The following SNTG1 variants were observed in gnomAD, a reference collection of about 807,000 sequenced individuals.
The protein encoded by SNTG1 is syntrophin gamma 1.
In SNTG1, 39 loss-of-function variants were observed where a neutral mutation model predicts 74.7. The ratio of observed to expected loss-of-function variants is 0.52; its 90% CI spans 0.40 to 0.68. The LOEUF (loss-of-function observed/expected upper bound fraction) is 0.68, where lower values mean the gene tolerates loss of function less well. SNTG1 is among the 30% of genes least tolerant of loss of function. SNTG1 has a pLI of 0.00. For synonymous variants in SNTG1, 254 were observed against 217.1 expected (o/e 1.17, Z -1.49); for missense variants, 685 against 609.5 (o/e 1.12, Z -1.30).
intron 8 of SNTG1, among the ~76,000 whole-genome samples, chr8:50,457,524 C>A (rs888164132): frequency 6.6e-5 from 10 of 152,174 alleles, no homozygotes; most frequent in African/African-American, 2.2e-4. Flanking sequence ...TTACTTCTCT[C>A]CCCTTTTGAA....
intron 2 of SNTG1, among the ~76,000 whole-genome samples, chr8:50,283,036 T>A (rs2088566751): frequency 1.3e-5 from 2 of 152,212 alleles, no homozygotes; most frequent in Admixed American, 1.3e-4. Context: ...TTTTTACAAA[T>A]GTGTATTTTA....
intron 11 of SNTG1, among the ~76,000 whole-genome samples, chr8:50,539,294 TTTG>T (rs530555383): frequency 8.5e-5 from 13 of 152,168 alleles, no homozygotes; most frequent in African/African-American, 2.6e-4. Context: ...TAATCTGGGT[TTTG>T]TTGTTGTTGT....
At chr8:50,588,899 C>A (rs573866955) in intron 12 of SNTG1, among the ~76,000 whole-genome samples, 1 of 152,098 alleles carries the variant, frequency 6.6e-6, no homozygotes, top group South Asian at 2.1e-4. Flanking sequence ...TTTCTAAAGG[C>A]CATTTTCATA....
chr8:50,031,873 A>G (rs1817768523), intron 1 of SNTG1, among the ~76,000 whole-genome samples: 1 of 152,122 alleles, frequency 6.6e-6, no homozygotes, highest in Non-Finnish European at 1.5e-5. Context: ...TTTCTAGAAA[A>G]GAATGTGTAG....
At chr8:50,301,849 GT>G (rs933357018) in intron 2 of SNTG1, among the ~76,000 whole-genome samples, 7 of 114,088 alleles carry the variant, frequency 6.1e-5, no homozygotes, top group Non-Finnish European at 1.4e-4. Flanking sequence ...TTTGTTTTCT[GT>G]TTTTGTTTTT....
At chr8:50,203,731 A>G (rs930397843) in intron 2 of SNTG1, among the ~76,000 whole-genome samples, 3 of 150,352 alleles carry the variant, frequency 2.0e-5, no homozygotes, top group Non-Finnish European at 4.5e-5. Flanking sequence ...TGTCATTGCT[A>G]TGTGGCAGAA....
intron 8 of SNTG1, among the ~76,000 whole-genome samples, chr8:50,454,903 G>C (rs1187439368): frequency 6.7e-6 from 1 of 149,648 alleles, no homozygotes; most frequent in Admixed American, 6.7e-5. Flanking sequence ...AGTACTTTCT[G>C]AGGCTGAGTA....
intron 4 of SNTG1, among the ~76,000 whole-genome samples, chr8:50,437,424 T>C (rs1035698793): frequency 2.0e-5 from 3 of 152,180 alleles, no homozygotes; most frequent in African/African-American, 7.2e-5. Flanking sequence ...AAGAGTCTTA[T>C]GCTATCTTAA....
chr8:50,175,613 C>A (rs951740679), intron 2 of SNTG1, among the ~76,000 whole-genome samples: 4 of 152,146 alleles, frequency 2.6e-5, no homozygotes, highest in Non-Finnish European at 5.9e-5. Context: ...TTCACACTAC[C>A]ATTGTGCAAA....
chr8:50,689,839 G>C (rs1467994366), intron 15 of SNTG1, among the ~76,000 whole-genome samples: 2 of 152,258 alleles, frequency 1.3e-5, no homozygotes, highest in East Asian at 3.9e-4. Flanking sequence ...GCTCCTCTTT[G>C]TACCTCTGGT....
At chr8:50,657,216 GA>G (rs2095188203) in intron 14 of SNTG1, among the ~76,000 whole-genome samples, 191 bp downstream of exon 14, 1 of 152,004 alleles carries the variant, frequency 6.6e-6, no homozygotes, top group Non-Finnish European at 1.5e-5. Context: ...TAACACCCTT[GA>G]AAAGTCTGGA....
intron 9 of SNTG1, among the ~76,000 whole-genome samples, chr8:50,510,168 A>T (rs940349711): frequency 3.3e-5 from 5 of 152,200 alleles, no homozygotes; most frequent in African/African-American, 1.2e-4. Flanking sequence ...ATCTATTGAC[A>T]TAATCATATG....
chr8:50,658,732 C>A, intron 15 of SNTG1, 69 bp downstream of exon 15: 2 of 1,000,188 alleles, frequency 2.0e-6, no homozygotes, highest in Non-Finnish European at 3.0e-6. Context: ...GGCTCATAAG[C>A]AGCTCATGAA....
At chr8:50,632,233 T>C (rs571443225) in intron 13 of SNTG1, among the ~76,000 whole-genome samples, 7 of 152,050 alleles carry the variant, frequency 4.6e-5, no homozygotes, top group African/African-American at 1.4e-4. Flanking sequence ...GGGTAATATA[T>C]GATAAAATGA....
intron 12 of SNTG1, among the ~76,000 whole-genome samples, chr8:50,562,759 A>G (rs77747558): frequency 0.032 from 4,826 of 152,308 alleles, 122 homozygotes; most frequent in African/African-American, 0.058. Flanking sequence ...TGTCATATGT[A>G]GCTTTTTCAG....
At chr8:49,938,644 C>T (rs11268283) in intron 1 of SNTG1, among the ~76,000 whole-genome samples, 211 of 17,690 alleles carry the variant, frequency 0.012, no homozygotes, top group East Asian at 0.09. Context: ...TCTTTCTTTC[C>T]TTCCTCTCTC....
chr8:50,426,164 G>A (rs1265939593), intron 4 of SNTG1, among the ~76,000 whole-genome samples: 1 of 152,134 alleles, frequency 6.6e-6, no homozygotes, highest in Non-Finnish European at 1.5e-5. Flanking sequence ...AGTGTATTTA[G>A]ATTTTCTTAG....
intron 1 of SNTG1, among the ~76,000 whole-genome samples, chr8:50,145,545 A>G (rs1586466291): frequency 6.6e-6 from 1 of 152,126 alleles, no homozygotes; most frequent in Non-Finnish European, 1.5e-5. Flanking sequence ...CTTACTCAAG[A>G]TGAAACTCTA....
intron 13 of SNTG1, among the ~76,000 whole-genome samples, chr8:50,650,955 C>A (rs899521186): frequency 6.6e-6 from 1 of 152,134 alleles, no homozygotes; most frequent in Non-Finnish European, 1.5e-5. Context: ...CCCATCTTGG[C>A]TTTCCAAAGT....
Sources: allele counts gnomAD v4.1 joint callset (sites outside exome capture counted in the v4.1 genomes callset), GRCh38; gene constraint gnomAD v4.1.1; transcripts MANE v1.5; gene names NCBI Gene and HGNC (gene_info 2026-07-23, HGNC 2026-07-21).